The following KIF6 variants were observed in gnomAD, a reference collection of about 807,000 sequenced individuals.
The protein encoded by KIF6 is kinesin-like protein KIF6.
In KIF6, 106 loss-of-function variants were observed where a neutral mutation model predicts 112.7. The observed-to-expected ratio is 0.94, with a 90% CI of 0.80 to 1.11. The LOEUF (loss-of-function observed/expected upper bound fraction) is 1.11, where lower values mean the gene tolerates loss of function less well. KIF6 is among the 50% of genes least tolerant of loss of function. The probability of loss-of-function intolerance (pLI) is 0.00; values close to 1 mark genes in which losing one functional copy is unlikely to be tolerated. For missense variants in KIF6, 929 were observed against 964.0 expected (o/e 0.96, Z 0.48); for synonymous variants, 339 against 339.9 (o/e 1.00, Z 0.03).
chr6:39,414,445 G>A (rs1769749609), intron 15 of KIF6, among the ~76,000 whole-genome samples: 1 of 152,136 alleles, frequency 6.6e-6, no homozygotes, highest in African/African-American at 2.4e-5. Flanking sequence ...TCCTACCACG[G>A]CTGCTGCAAA....
chr6:39,594,460 G>A (rs979117898), intron 7 of KIF6, among the ~76,000 whole-genome samples: 4 of 152,188 alleles, frequency 2.6e-5, no homozygotes, highest in African/African-American at 9.7e-5. Flanking sequence ...TTAAGCATAA[G>A]TAGTGTGTAA....
chr6:39,471,432 G>A (rs1243160534), intron 13 of KIF6, among the ~76,000 whole-genome samples: 1 of 152,078 alleles, frequency 6.6e-6, no homozygotes, highest in Non-Finnish European at 1.5e-5. Flanking sequence ...CTTCTCTACT[G>A]TTTCTGGGCA....
At chr6:39,714,327 G>A (rs1267676452) in intron 3 of KIF6, among the ~76,000 whole-genome samples, 9 of 152,092 alleles carry the variant, frequency 5.9e-5, no homozygotes, top group Non-Finnish European at 1.0e-4. Context: ...TTGAAGTACC[G>A]TACTGAGGAA....
intron 16 of KIF6, among the ~76,000 whole-genome samples, chr6:39,363,005 T>C (rs568097041): frequency 6.6e-6 from 1 of 151,882 alleles, no homozygotes; most frequent in Non-Finnish European, 1.5e-5. Context: ...AAAAATTAGC[T>C]GGGCGTGGTG....
intron 13 of KIF6, among the ~76,000 whole-genome samples, chr6:39,455,129 C>A (rs1400456723): frequency 6.6e-6 from 1 of 152,196 alleles, no homozygotes; most frequent in Non-Finnish European, 1.5e-5. Context: ...TGTCTGACAG[C>A]TTTGAAGAGA....
At chr6:39,648,907 G>A (rs569633235) in intron 3 of KIF6, among the ~76,000 whole-genome samples, 1 of 151,730 alleles carries the variant, frequency 6.6e-6, no homozygotes, top group Non-Finnish European at 1.5e-5. Flanking sequence ...AGTGGCTTAT[G>A]CCTGTAATCC....
At chr6:39,688,481 G>A (rs1469905619) in intron 3 of KIF6, among the ~76,000 whole-genome samples, 4 of 152,046 alleles carry the variant, frequency 2.6e-5, no homozygotes, top group Admixed American at 6.6e-5. Flanking sequence ...TAAATGCACC[G>A]AGATAGAAGT....
chr6:39,710,714 G>A (rs902497302), intron 3 of KIF6, among the ~76,000 whole-genome samples: 2 of 152,080 alleles, frequency 1.3e-5, no homozygotes, highest in South Asian at 2.1e-4. Flanking sequence ...AACTATGAAT[G>A]GGAAGTTGTA....
At chr6:39,346,051 T>TCA (rs1562112578) in intron 20 of KIF6, among the ~76,000 whole-genome samples, 3 of 14,124 alleles carry the variant, frequency 2.1e-4, no homozygotes, top group Admixed American at 7.0e-4. Flanking sequence ...ACTACAGTGC[T>TCA]CTCTCTCTCT....
intron 3 of KIF6, among the ~76,000 whole-genome samples, chr6:39,683,764 A>G (rs1361953964): frequency 6.6e-6 from 1 of 152,190 alleles, no homozygotes; most frequent in Non-Finnish European, 1.5e-5. Context: ...GATAGTGTGT[A>G]TCTGTTTGGG....
At chr6:39,676,853 A>G (rs992122481) in intron 3 of KIF6, among the ~76,000 whole-genome samples, 3 of 152,042 alleles carry the variant, frequency 2.0e-5, no homozygotes, top group Non-Finnish European at 4.4e-5. Context: ...AAAGGCACAG[A>G]AAAAAAGGTT....
chr6:39,710,102 C>A (rs574094576), intron 3 of KIF6, among the ~76,000 whole-genome samples: 18 of 152,298 alleles, frequency 1.2e-4, no homozygotes, highest in Admixed American at 2.6e-4. Flanking sequence ...ACAACACTCT[C>A]CTACAGAGAT....
At chr6:39,510,064 G>A (rs1056769361) in intron 13 of KIF6, among the ~76,000 whole-genome samples, 16 of 151,878 alleles carry the variant, frequency 1.1e-4, no homozygotes, top group African/African-American at 2.4e-4. Flanking sequence ...AGAAGAGAGT[G>A]GGGGCCAATA....
chr6:39,381,051 T>C (rs1366745871), intron 16 of KIF6, among the ~76,000 whole-genome samples: 3 of 152,206 alleles, frequency 2.0e-5, no homozygotes, highest in Non-Finnish European at 4.4e-5. Flanking sequence ...TCATCATCCA[T>C]GAATGATTTC....
intron 19 of KIF6, among the ~76,000 whole-genome samples, chr6:39,355,932 T>G (rs1230196105): frequency 6.6e-6 from 1 of 152,114 alleles, no homozygotes; most frequent in Non-Finnish European, 1.5e-5. Flanking sequence ...GAACCGATAT[T>G]GATACATTGT....
intron 15 of KIF6, among the ~76,000 whole-genome samples, chr6:39,396,651 G>A (rs562454900): frequency 6.6e-6 from 1 of 152,284 alleles, no homozygotes; most frequent in Non-Finnish European, 1.5e-5. Flanking sequence ...TAATCCCTTT[G>A]AGCCTCAATT....
chr6:39,545,311 G>GT (rs1779009118), intron 11 of KIF6, among the ~76,000 whole-genome samples: 2 of 152,256 alleles, frequency 1.3e-5, no homozygotes, highest in South Asian at 2.1e-4. Context: ...CTTGAAAATA[G>GT]TTTTTTAAAA....
intron 10 of KIF6, among the ~76,000 whole-genome samples, chr6:39,573,789 AT>A (rs996896049): frequency 6.6e-6 from 1 of 152,162 alleles, no homozygotes; most frequent in Admixed American, 6.5e-5. Context: ...ATATCTTCTC[AT>A]AATGTTTATA....
At chr6:39,364,074 A>G (rs1765376183) in intron 16 of KIF6, among the ~76,000 whole-genome samples, 1 of 151,616 alleles carries the variant, frequency 6.6e-6, no homozygotes, top group Non-Finnish European at 1.5e-5. Context: ...CAACAACATC[A>G]AAATATCACA....
Sources: allele counts gnomAD v4.1 joint callset (sites outside exome capture counted in the v4.1 genomes callset), GRCh38; gene constraint gnomAD v4.1.1; transcripts MANE v1.5; gene names NCBI Gene and HGNC (gene_info 2026-07-23, HGNC 2026-07-21).